The following PCDH9 variants were observed in gnomAD, a reference collection of about 807,000 sequenced individuals.
The protein encoded by PCDH9 is protocadherin 9.
Under a neutral mutation model 70.6 loss-of-function variants are expected in PCDH9, and 24 were observed. The observed-to-expected ratio is 0.34, with a 90% CI of 0.25 to 0.48. The LOEUF (loss-of-function observed/expected upper bound fraction) is 0.48. Ranked by LOEUF, PCDH9 falls within the 20% of genes least tolerant of loss-of-function variation. PCDH9 has a pLI of 0.99. For synonymous variants in PCDH9, 562 were observed against 558.5 expected (o/e 1.01, Z -0.09); for missense variants, 1,281 against 1,503.6 (o/e 0.85, Z 2.45).
At chr13:66,358,649 T>A (rs528842014) in intron 4 of PCDH9, among the ~76,000 whole-genome samples, 1 of 152,134 alleles carries the variant, frequency 6.6e-6, no homozygotes, top group East Asian at 1.9e-4. Context: ...GATTTCAATA[T>A]TAGTATAAAA....
chr13:66,553,157 A>T (rs906883374), intron 4 of PCDH9, among the ~76,000 whole-genome samples: 4 of 152,142 alleles, frequency 2.6e-5, no homozygotes, highest in African/African-American at 9.7e-5. Flanking sequence ...AGGGAACTAT[A>T]CCAGTCAAAA....
intron 2 of PCDH9, among the ~76,000 whole-genome samples, chr13:67,111,695 G>C (rs537493162): frequency 4.6e-5 from 7 of 152,174 alleles, no homozygotes; most frequent in African/African-American, 1.7e-4. Flanking sequence ...AATAGTTACT[G>C]GAAATTAGCA....
intron 3 of PCDH9, among the ~76,000 whole-genome samples, chr13:66,850,378 G>A (rs2081295844): frequency 6.6e-6 from 1 of 152,110 alleles, no homozygotes. Flanking sequence ...AACTAGCTGG[G>A]CATGGTGGCA....
intron 4 of PCDH9, among the ~76,000 whole-genome samples, chr13:66,606,254 C>G (rs1213451926): frequency 6.6e-6 from 1 of 152,054 alleles, no homozygotes; most frequent in Non-Finnish European, 1.5e-5. Context: ...CACACATCTC[C>G]CTCCTGAATA....
chr13:66,644,444 T>C (rs967288041), intron 3 of PCDH9, among the ~76,000 whole-genome samples: 6 of 151,868 alleles, frequency 4.0e-5, no homozygotes, highest in African/African-American at 1.2e-4. Context: ...AAAAATAGTC[T>C]TAAAAAAAGA....
At chr13:66,422,490 G>A (rs1229398217) in intron 4 of PCDH9, among the ~76,000 whole-genome samples, 3 of 152,148 alleles carry the variant, frequency 2.0e-5, no homozygotes, top group African/African-American at 7.2e-5. Flanking sequence ...TGGAACTCAG[G>A]ATTAAGAAAC....
chr13:66,304,993 T>C lies in PCDH9; in HGVS notation c.3376A>G (p.Thr1126Ala). 2 of 1,612,432 alleles carry C rather than the reference T, an allele frequency of 1.2e-6. No individual in the cohort carries two copies. Among genetic ancestry groups the C allele is most frequent in the South Asian group, 1.1e-5 (1 of 91,024 alleles). ...AAGCACTCTTGAGTGCACATCTCTG[T>C]AGCTTCAGCTAATCCTCGGGGACCC... Reference protein sequence around the residue: ...PLGPRGLAEATEMCTQECLVL... With the variant: ...PLGPRGLAEAAEMCTQECLVL... The change falls in exon 5 of 5, where the codon ACA (threonine) becomes GCA (alanine). Residue 1126 changes from threonine to alanine, a missense_variant. Transcript: ENST00000377865.
chr13:66,853,657 C>A (rs2081350431), intron 3 of PCDH9, among the ~76,000 whole-genome samples: 1 of 152,112 alleles, frequency 6.6e-6, no homozygotes, highest in Admixed American at 6.6e-5. Flanking sequence ...TGGTTTAGGA[C>A]ACTACCTGCT....
chr13:66,825,639 A>C (rs1340553107), intron 3 of PCDH9, among the ~76,000 whole-genome samples: 2 of 152,206 alleles, frequency 1.3e-5, no homozygotes, highest in Non-Finnish European at 2.9e-5. Context: ...CCGGCCAAAA[A>C]CTTTTAAAAA....
intron 3 of PCDH9, among the ~76,000 whole-genome samples, chr13:66,735,830 G>T (rs1005015309): frequency 6.6e-6 from 1 of 152,018 alleles, no homozygotes; most frequent in African/African-American, 2.4e-5. Context: ...TGGGTGTGGT[G>T]GTGCACGCCT....
chr13:66,628,023 C>A (rs939118338), intron 4 of PCDH9, among the ~76,000 whole-genome samples: 4 of 152,014 alleles, frequency 2.6e-5, no homozygotes, highest in African/African-American at 7.2e-5. Context: ...TTTCTTTTCC[C>A]TTTTCTATGA....
chr13:66,536,717 T>C (rs965215316), intron 4 of PCDH9, among the ~76,000 whole-genome samples: 2 of 149,002 alleles, frequency 1.3e-5, no homozygotes, highest in Non-Finnish European at 3.0e-5. Flanking sequence ...TGAAAATGTA[T>C]ATGCTAAATG....
chr13:66,881,538 A>G (rs2081921579), intron 3 of PCDH9, among the ~76,000 whole-genome samples: 1 of 152,214 alleles, frequency 6.6e-6, no homozygotes, highest in Non-Finnish European at 1.5e-5. Flanking sequence ...TATGGGAGCT[A>G]CAAGATGAGA....
intron 2 of PCDH9, among the ~76,000 whole-genome samples, chr13:66,940,930 G>A (rs1174761549): frequency 6.6e-6 from 1 of 151,844 alleles, no homozygotes; most frequent in Non-Finnish European, 1.5e-5. Flanking sequence ...GGATTCTTAT[G>A]AATAAACTGG....
chr13:66,419,112 A>T (rs1202743569), intron 4 of PCDH9, among the ~76,000 whole-genome samples: 1 of 152,120 alleles, frequency 6.6e-6, no homozygotes, highest in Non-Finnish European at 1.5e-5. Context: ...CTACCAACCA[A>T]AAAAAGCCCA....
chr13:67,012,551 T>C (rs913150049), intron 2 of PCDH9, among the ~76,000 whole-genome samples: 6 of 152,026 alleles, frequency 3.9e-5, no homozygotes, highest in African/African-American at 1.4e-4. Context: ...AAGAAAATTC[T>C]GAATCATTGT....
intron 2 of PCDH9, among the ~76,000 whole-genome samples, chr13:66,946,520 T>G (rs1004087539): frequency 3.3e-5 from 5 of 152,038 alleles, no homozygotes; most frequent in African/African-American, 9.7e-5. Flanking sequence ...TTTAAAAAGA[T>G]TTTTATAGTA....
intron 2 of PCDH9, among the ~76,000 whole-genome samples, chr13:67,135,877 G>T (rs1403520755): frequency 6.6e-6 from 1 of 151,904 alleles, no homozygotes; most frequent in African/African-American, 2.4e-5. Context: ...GTTGACTGGG[G>T]GGATTCTTTG....
At chr13:66,927,631 G>T (rs572564141) in intron 2 of PCDH9, among the ~76,000 whole-genome samples, 6 of 152,188 alleles carry the variant, frequency 3.9e-5, no homozygotes, top group Non-Finnish European at 7.4e-5. Flanking sequence ...GACAGGGTTA[G>T]ATTCTTCTGA....
Sources: gnomAD v4.1 joint callset for allele counts (sites outside exome capture counted in the v4.1 genomes callset) on GRCh38, gnomAD v4.1.1 for gene constraint, MANE v1.5 for transcripts, NCBI Gene and HGNC (gene_info 2026-07-23, HGNC 2026-07-21) for gene names.